Variants in SERPINA4 observed in about 807,000 individuals in gnomAD.
The protein encoded by SERPINA4 is serpin family A member 4.
A neutral mutation model predicts 25.4 loss-of-function variants in SERPINA4; 24 were observed. That is an observed-to-expected ratio of 0.95 (90% CI 0.69 to 1.33). The LOEUF (loss-of-function observed/expected upper bound fraction) is 1.33, where lower values mean the gene tolerates loss of function less well. Ranked by LOEUF, SERPINA4 falls within the 40% of genes most tolerant of loss-of-function variation. The probability of loss-of-function intolerance (pLI) is 0.00; values close to 1 mark genes in which losing one functional copy is unlikely to be tolerated. For synonymous variants in SERPINA4, 242 were observed against 223.6 expected, an observed-to-expected ratio of 1.08 and a Z score of -0.73; for missense variants, 553 against 535.8, an observed-to-expected ratio of 1.03 and a Z score of -0.32.
At chr14:94,565,262 G>A (rs1004658000) in intron 2 of SERPINA4, among the ~76,000 whole-genome samples, 1 of 152,154 alleles carries the variant, frequency 6.6e-6, no homozygotes, top group Non-Finnish European at 1.5e-5. Flanking sequence ...GTGGTAGCCT[G>A]GGGCTGCTGT....
rs746133292 is a variant in SERPINA4 at position 94,569,598 on chromosome 14, C to T, written c.*3C>T. The T allele has an allele frequency of 5.6e-6, 9 of 1,613,996 alleles. No homozygotes were observed. The highest frequency in any genetic ancestry group is 2.2e-5 in the East Asian group (1 of 44,886). On this transcript the variant is annotated 3_prime_UTR_variant, in exon 5 of 5. Coordinates refer to ENST00000557004, the MANE Select transcript of SERPINA4 (RefSeq NM_006215.4). ...TCGTCGACCCCACGAAACCATAGCCCTCCCAGGGCTGCTCATCTGTTCCAA... is the reference window on the plus strand; with the variant it reads ...TCGTCGACCCCACGAAACCATAGCCTTCCCAGGGCTGCTCATCTGTTCCAA...
chr14:94,569,341 T>C, intron 4 of SERPINA4, 54 bp from the exon 5 acceptor site: 1 of 1,559,506 alleles, frequency 6.4e-7, no homozygotes, highest in Non-Finnish European at 8.8e-7. Context: ...CGCAGTCTTG[T>C]CCAGGCCCCC....
At chr14:94,565,555 C>A (rs1284530295) in intron 2 of SERPINA4, among the ~76,000 whole-genome samples, 1 of 152,064 alleles carries the variant, frequency 6.6e-6, no homozygotes, top group East Asian at 1.9e-4. Context: ...TTTAAAAAAG[C>A]TTTGTTTTGA....
intron 2 of SERPINA4, 83 bp from the exon 3 acceptor site, chr14:94,566,887 G>A (rs547584130): frequency 4.0e-6 from 6 of 1,488,814 alleles, no homozygotes; most frequent in African/African-American, 1.4e-5. Flanking sequence ...CTGTAGCTCA[G>A]AACACCAGAT....
chr14:94,569,264 G>T, intron 4 of SERPINA4, 131 bp from the exon 5 acceptor site: 1 of 791,082 alleles, frequency 1.3e-6, no homozygotes, highest in Non-Finnish European at 2.0e-6. Flanking sequence ...TTCTTGCTGT[G>T]TTATCCCCAA....
In SERPINA4 at chr14:94,568,121, C is replaced by T. The variant is rs1902277971; in HGVS notation, c.924-8C>T. On this transcript the variant is annotated splice_region_variant and splice_polypyrimidine_tract_variant and intron_variant, in intron 3 of 4. Coordinates refer to ENST00000557004, the MANE Select transcript of SERPINA4 (RefSeq NM_006215.4). ...TAATCTAATGTTCTAACTCAATGCCCCTTTCAGGAATTTTTACAAGAAGCT... is the reference window on the plus strand; with the variant it reads ...TAATCTAATGTTCTAACTCAATGCCTCTTTCAGGAATTTTTACAAGAAGCT... 1.9e-6 allele frequency: 3 copies of T among 1,613,972 alleles called. No individual in the cohort carries two copies. The highest frequency in any genetic ancestry group is 2.5e-6 in the Non-Finnish European group (3 of 1,179,976).
At chr14:94,564,184 A>T in intron 2 of SERPINA4, 53 bp downstream of exon 2, 1 of 1,546,546 alleles carries the variant, frequency 6.5e-7, no homozygotes, top group East Asian at 2.3e-5. Context: ...CCTCCAACCC[A>T]CTAATTTGTT....
In SERPINA4 at chr14:94,568,275, T is replaced by C; in HGVS notation, c.1070T>C (p.Leu357Pro). 1 of 1,614,192 alleles carries C rather than the reference T, an allele frequency of 6.2e-7. No individual in the cohort carries two copies. The highest frequency in any genetic ancestry group is 2.2e-5 in the East Asian group (1 of 44,868). Residue 357 changes from leucine to proline, a missense_variant, in exon 4 of 5, where the codon CTG (leucine) becomes CCG (proline). Physicochemically the swap from Leu to Pro is moderately conservative, Grantham distance 98. Coordinates refer to ENST00000557004, the MANE Select transcript of SERPINA4 (RefSeq NM_006215.4). ...DLSGITKQQK[L>P]EASKSFHKAT... ...TCCGGCATCACCAAACAGCAAAAAC[T>C]GGAGGCATCCAAAGTAAGTCGTCAA...
intron 2 of SERPINA4, among the ~76,000 whole-genome samples, chr14:94,566,388 T>C (rs1902211195): frequency 6.6e-6 from 1 of 152,198 alleles, no homozygotes; most frequent in South Asian, 2.1e-4. Context: ...AACAGATTCG[T>C]CCTTCTCAAA....
chr14:94,564,918 T>C (rs899686008), intron 2 of SERPINA4, among the ~76,000 whole-genome samples: 2 of 152,232 alleles, frequency 1.3e-5, no homozygotes, highest in African/African-American at 2.4e-5. Context: ...ATGTTAATGT[T>C]TTAGCATCTT....
intron 2 of SERPINA4, 83 bp from the exon 3 acceptor site, chr14:94,566,887 G>C (rs547584130): frequency 2.0e-6 from 3 of 1,488,932 alleles, no homozygotes; most frequent in Non-Finnish European, 2.7e-6. Context: ...CTGTAGCTCA[G>C]AACACCAGAT....
intron 3 of SERPINA4, 41 bp downstream of exon 3, chr14:94,567,284 C>G: frequency 6.4e-7 from 1 of 1,555,516 alleles, no homozygotes; most frequent in Non-Finnish European, 8.7e-7. Context: ...CAGTACTATC[C>G]ATCAAATGTA....
rs1365256588 is a variant in SERPINA4, at chr14:94,561,912, G to A, written c.-18+418G>A. Reference sequence around the variant, plus strand: ...CTCCAACTGCTGAGTGGAGAACAGAGAGCAGAAAGACTAGGAAGCTTTCTG... The same window carrying A: ...CTCCAACTGCTGAGTGGAGAACAGAAAGCAGAAAGACTAGGAAGCTTTCTG... On this transcript the variant is annotated intron_variant, in intron 1 of 4. Coordinates refer to ENST00000557004, the MANE Select transcript of SERPINA4 (RefSeq NM_006215.4). 2.4e-6 allele frequency: 3 copies of A among 1,275,072 alleles called. No individual in the cohort carries two copies. In the African/African-American group the frequency reaches 4.6e-5, roughly 19 times the overall value. 79.0% of individuals were successfully genotyped at this position (1,275,072 alleles called of 1,614,324 possible).
At position 94,566,961 on chromosome 14, in the gene SERPINA4, TC is replaced by T; in HGVS notation, c.650-6del. On this transcript the variant is annotated splice_region_variant and splice_polypyrimidine_tract_variant and intron_variant, in intron 2 of 4. Coordinates refer to ENST00000557004, the MANE Select transcript of SERPINA4 (RefSeq NM_006215.4). ...GATGTCCTGTACCTTCTTTTCATCT[TC>T]CCTTCAGCCCTGTGGGAGAAACCAT... 1 of 1,607,534 alleles carries T rather than the reference TC, an allele frequency of 6.2e-7. No individual in the cohort carries two copies. Among genetic ancestry groups the T allele is most frequent in the Non-Finnish European group, 8.5e-7 (1 of 1,175,780 alleles).
chr14:94,563,193 T>C (rs1902078952), intron 1 of SERPINA4, among the ~76,000 whole-genome samples: 1 of 152,022 alleles, frequency 6.6e-6, no homozygotes, highest in Admixed American at 6.5e-5. Flanking sequence ...GAGAATGGAG[T>C]CTAGTGCTGT....
At position 94,564,054 on chromosome 14, in the gene SERPINA4, G is replaced by A. The variant is rs1243854935; in HGVS notation, c.572G>A (p.Arg191Gln). The change falls in exon 2 of 5, where the codon CGA becomes CAA. Residue 191 changes from arginine to glutamine, a missense_variant. Coordinates refer to ENST00000557004, the MANE Select transcript of SERPINA4 (RefSeq NM_006215.4). ...LINDHVKKET[R>Q]GKIVDLVSEL... ...AACGACCACGTCAAGAAGGAAACTC[G>A]AGGGAAGATTGTGGATTTGGTCAGT... is the stretch of plus-strand genomic sequence containing the variant. The A allele has an allele frequency of 3.7e-6, 6 of 1,609,804 alleles. No homozygotes were observed. Among genetic ancestry groups the A allele is most frequent in the African/African-American group, 1.3e-5 (1 of 74,934 alleles).
intron 1 of SERPINA4, chr14:94,561,798 C>A (rs1170835615): frequency 2.3e-6 from 3 of 1,289,806 alleles, no homozygotes; most frequent in Non-Finnish European, 3.0e-6. Context: ...GGTCTTCTGG[C>A]TGCCAATCCA....
chr14:94,568,341 T>TG, intron 4 of SERPINA4, 53 bp downstream of exon 4: 1 of 1,597,408 alleles, frequency 6.3e-7, no homozygotes, highest in Non-Finnish European at 8.6e-7. Flanking sequence ...GCAGTGCCCA[T>TG]GGGAGCTGCC....
rs775115901 is a variant in SERPINA4 at position 94,563,947 on chromosome 14, C to T, written c.465C>T (p.Phe155=). Residue 155 remains phenylalanine, a synonymous_variant, in exon 2 of 5, where the codon TTC becomes TTT. Transcript: ENST00000557004. ...LSHNLKFLAK[F]LNDTMAVYEA... ...ACAACCTGAAGTTCCTTGCAAAATT[C>T]CTGAATGACACCATGGCCGTCTATG... 12 of 1,614,086 alleles carry T rather than the reference C, an allele frequency of 7.4e-6. No homozygotes were observed. The highest frequency in any genetic ancestry group is 6.7e-5 in the African/African-American group (5 of 74,924).
Sources: allele counts gnomAD v4.1 joint callset (sites outside exome capture counted in the v4.1 genomes callset), GRCh38; gene constraint gnomAD v4.1.1; transcripts MANE v1.5; gene names NCBI Gene and HGNC (gene_info 2026-07-23, HGNC 2026-07-21).